Variants in CRACDL observed in about 807,000 individuals in gnomAD.
The protein encoded by CRACDL is CRACD like.
CRACDL carries 26 observed loss-of-function variants against 70.6 expected under a neutral mutation model. The observed-to-expected ratio is 0.37, with a 90% CI of 0.27 to 0.51. The LOEUF (loss-of-function observed/expected upper bound fraction) is 0.51, where lower values mean the gene tolerates loss of function less well. Among genes scored for constraint, CRACDL ranks in the 20% least tolerant of loss-of-function variants. The probability of loss-of-function intolerance (pLI) is 0.94; values close to 1 mark genes in which losing one functional copy is unlikely to be tolerated. For missense variants in CRACDL, 1,283 were observed against 1,376.9 expected (o/e 0.93, Z 1.08); for synonymous variants, 618 against 615.2 (o/e 1.00, Z -0.07).
intron 1 of CRACDL, among the ~76,000 whole-genome samples, chr2:98,879,047 C>A (rs887505289): frequency 6.6e-6 from 1 of 152,194 alleles, no homozygotes; most frequent in Non-Finnish European, 1.5e-5. Context: ...GAAATCTTCC[C>A]GCTGCCCTGG....
intron 5 of CRACDL, among the ~76,000 whole-genome samples, chr2:98,831,453 T>C (rs1705539953): frequency 2.0e-5 from 3 of 152,168 alleles, no homozygotes; most frequent in Non-Finnish European, 4.4e-5. Context: ...TCACTGTGAA[T>C]GGCCCCTCGA....
At chr2:98,902,156 T>C (rs1708299023) in intron 1 of CRACDL, among the ~76,000 whole-genome samples, 1 of 152,078 alleles carries the variant, frequency 6.6e-6, no homozygotes, top group Non-Finnish European at 1.5e-5. Context: ...CAAATGAGAT[T>C]TATAGGTCAG....
chr2:98,846,900 A>G (rs1706279901), intron 1 of CRACDL, 90 bp from the exon 2 acceptor site: 1 of 1,089,088 alleles, frequency 9.2e-7, no homozygotes, highest in African/African-American at 1.5e-5. Flanking sequence ...ATTTGCCATG[A>G]TCTGGCCTGC....
At chr2:98,910,836 G>A (rs1327629115) in intron 1 of CRACDL, among the ~76,000 whole-genome samples, 1 of 152,224 alleles carries the variant, frequency 6.6e-6, no homozygotes, top group African/African-American at 2.4e-5. Flanking sequence ...CAATAATGTG[G>A]TGCCTCCTCT....
Position 98,880,283 on chromosome 2 carries a change from G to A in CRACDL, c.-10-33473C>T, listed in dbSNP as rs562459352. Among the ~76,000 whole-genome samples the A allele has an allele frequency of 3.4e-3, 519 of 152,284 alleles. 1 individual carries two copies. The highest frequency in any genetic ancestry group is 0.012 in the African/African-American group (501 of 41,556). Reference sequence around the variant, plus strand: ...GCTGATCAGACAAGATCCTGTGAACGAACAAGGACATTGGAGAATTCTCCA... The same window carrying A: ...GCTGATCAGACAAGATCCTGTGAACAAACAAGGACATTGGAGAATTCTCCA... On this transcript the variant is annotated intron_variant, in intron 1 of 9. Coordinates refer to ENST00000397899, the MANE Select transcript of CRACDL (RefSeq NM_207362.3).
rs763268098 is a variant in CRACDL, at chr2:98,822,966, G to C, written c.1307C>G (p.Pro436Arg). Residue 436 changes from proline (P) to arginine (R), a missense_variant, in exon 7 of 10, where the codon CCG becomes CGG. By Grantham distance (103) the Pro-to-Arg change is moderately radical (BLOSUM62 -2). Coordinates refer to ENST00000397899, the MANE Select transcript of CRACDL (RefSeq NM_207362.3). This position sits in a 1 kb window ranked among gnomAD's most constrained non-coding sequence, Gnocchi z 4.9. ...SARDGPERSV[P>R]KEAEPTPPVL... Reference sequence around the variant, plus strand: ...GGGCGGCGTCGGCTCCGCTTCCTTCGGGACACTGCGTTCTGGCCCGTCGCG... The same window carrying C: ...GGGCGGCGTCGGCTCCGCTTCCTTCCGGACACTGCGTTCTGGCCCGTCGCG... The C allele has an allele frequency of 4.1e-6, 6 of 1,480,750 alleles. No individual in the cohort carries two copies. The highest frequency in any genetic ancestry group is 5.4e-6 in the Non-Finnish European group (6 of 1,118,326). 91.7% of individuals were successfully genotyped at this position (1,480,750 alleles called of 1,614,324 possible).
At position 98,823,259 on chromosome 2, in the gene CRACDL, G is replaced by A. The variant is rs1270322494; in HGVS notation, c.1014C>T (p.Thr338=). The A allele has an allele frequency of 1.4e-6, 2 of 1,406,476 alleles. No homozygotes were observed. The highest frequency in any genetic ancestry group is 2.9e-5 in the East Asian group (1 of 34,590). The allele number at this position is 1,406,476 out of a possible 1,614,324, so 87.1% of individuals were successfully genotyped here. A position where few individuals can be genotyped will look rare whatever the true frequency, so the allele number is the denominator to read the frequency against. Residue 338 remains threonine (T), a synonymous_variant, in exon 7 of 10, where the codon ACC becomes ACT. Transcript: ENST00000397899. The surrounding 1 kb of genome is among the most constrained non-coding windows in gnomAD (Gnocchi z 4.0). ...PGEDPSSRPA[T]PELAEPESAP... is the part of the protein sequence containing the mutation. ...CCGACTCGGGCTCGGCGAGCTCCGGGGTGGCCGGGCGGCTTGAGGGGTCCT... is the reference window on the plus strand; with the variant it reads ...CCGACTCGGGCTCGGCGAGCTCCGGAGTGGCCGGGCGGCTTGAGGGGTCCT...
chr2:98,853,505 T>G (rs1173678175), intron 1 of CRACDL, among the ~76,000 whole-genome samples: 1 of 152,162 alleles, frequency 6.6e-6, no homozygotes, highest in African/African-American at 2.4e-5. Flanking sequence ...ACTGCAGATA[T>G]GTACTACAGG....
intron 1 of CRACDL, among the ~76,000 whole-genome samples, chr2:98,886,305 C>T (rs1707794356): frequency 6.6e-6 from 1 of 152,238 alleles, no homozygotes; most frequent in Admixed American, 6.5e-5. Context: ...TTCTCTCCCA[C>T]TGAGGTGCTT....
chr2:98,863,576 T>A (rs1331033384), intron 1 of CRACDL, among the ~76,000 whole-genome samples: 3 of 152,158 alleles, frequency 2.0e-5, no homozygotes, highest in South Asian at 4.1e-4. Context: ...AGCACTTTTT[T>A]AAAAAAAGAG....
At chr2:98,889,315 GAAAGAAAGAAAGAAAGAAAGAAAGAAA>G (rs1707896585) in intron 1 of CRACDL, among the ~76,000 whole-genome samples, 3 of 139,724 alleles carry the variant, frequency 2.1e-5, no homozygotes, top group African/African-American at 3.1e-5. Context: ...AAGAAAGAAA[GAAAGAAAGAAAGAAAGAAAGAAAGAAA>G]GGAAACAGTA....
intron 1 of CRACDL, among the ~76,000 whole-genome samples, chr2:98,864,578 G>A (rs906142289): frequency 6.8e-6 from 1 of 146,458 alleles, no homozygotes; most frequent in African/African-American, 2.5e-5. Flanking sequence ...ACGGAGTCTC[G>A]TTCCATCACC....
At chr2:98,863,552 T>C (rs1039959945) in intron 1 of CRACDL, among the ~76,000 whole-genome samples, 8 of 152,236 alleles carry the variant, frequency 5.3e-5, no homozygotes, top group Non-Finnish European at 7.3e-5. Flanking sequence ...GTATTTTACG[T>C]GATTTAAGAG....
intron 1 of CRACDL, among the ~76,000 whole-genome samples, chr2:98,925,876 C>T (rs1485400618): frequency 6.6e-6 from 1 of 152,080 alleles, no homozygotes; most frequent in Non-Finnish European, 1.5e-5. Flanking sequence ...CATGCGCGCG[C>T]ACACACATGC....
intron 7 of CRACDL, among the ~76,000 whole-genome samples, chr2:98,800,631 T>A (rs913997791): frequency 6.6e-6 from 1 of 152,180 alleles, no homozygotes; most frequent in African/African-American, 2.4e-5. Context: ...TCTGTTCTGG[T>A]CAGTCTCTCT....
At chr2:98,932,744 C>T (rs115011609) in intron 1 of CRACDL, among the ~76,000 whole-genome samples, 5 of 152,176 alleles carry the variant, frequency 3.3e-5, no homozygotes, top group Non-Finnish European at 5.9e-5. Context: ...TTACCCAAGA[C>T]AGTGGTGAAT....
chr2:98,846,538 G>A (rs1706259809), intron 2 of CRACDL, among the ~76,000 whole-genome samples, 193 bp downstream of exon 2: 2 of 152,164 alleles, frequency 1.3e-5, no homozygotes, highest in African/African-American at 4.8e-5. Context: ...GAGGAAATCT[G>A]CCCCGAGCAG....
intron 1 of CRACDL, among the ~76,000 whole-genome samples, chr2:98,933,225 A>G (rs1194672986): frequency 1.3e-5 from 2 of 152,100 alleles, no homozygotes; most frequent in Non-Finnish European, 2.9e-5. Context: ...GTGGAGGGGA[A>G]AGGGACTCAC....
At chr2:98,931,142 T>C (rs546590319) in intron 1 of CRACDL, among the ~76,000 whole-genome samples, 2 of 152,142 alleles carry the variant, frequency 1.3e-5, no homozygotes, top group East Asian at 3.9e-4. Flanking sequence ...CTGGCTAACA[T>C]GGAGAAACCT....
Sources: allele counts gnomAD v4.1 joint callset (sites outside exome capture counted in the v4.1 genomes callset), GRCh38; gene constraint gnomAD v4.1.1; non-coding constraint Gnocchi (gnomAD v3.1); transcripts MANE v1.5; gene names NCBI Gene and HGNC (gene_info 2026-07-23, HGNC 2026-07-21).